Variants in ZDHHC11B observed in about 807,000 individuals in gnomAD.
ZDHHC11B encodes zDHHC palmitoyltransferase 11B (putative), also known as probable palmitoyltransferase ZDHHC11B.
Under a neutral mutation model 42.3 loss-of-function variants are expected in ZDHHC11B, and 17 were observed. That is an observed-to-expected ratio of 0.40 (90% CI 0.27 to 0.60). ZDHHC11B has a LOEUF of 0.60. Among genes scored for constraint, ZDHHC11B ranks in the 20% least tolerant of loss-of-function variants. The pLI is 0.41. For missense variants in ZDHHC11B, 262 were observed against 463.2 expected, an observed-to-expected ratio of 0.57 and a Z score of 3.99; for synonymous variants, 123 against 193.5, an observed-to-expected ratio of 0.64 and a Z score of 3.02.
intron 6 of ZDHHC11B, among the ~76,000 whole-genome samples, chr5:752,083 C>A (rs1290319639): frequency 1.6e-5 from 2 of 124,432 alleles, no homozygotes; most frequent in East Asian, 3.4e-4. Context: ...GGCTGGGTCC[C>A]CTCAGGGGGC....
intron 1 of ZDHHC11B, among the ~76,000 whole-genome samples, chr5:780,716 G>A (rs35022959): frequency 6.9e-4 from 101 of 145,598 alleles, no homozygotes; most frequent in Middle Eastern, 3.6e-3. Flanking sequence ...GTGGGCACTG[G>A]CGAAGGTGGC....
At chr5:747,755 G>A (rs189212806) in intron 8 of ZDHHC11B, 10,061 of 171,420 alleles carry the variant, frequency 0.059, 402 homozygotes, top group African/African-American at 0.2. Flanking sequence ...CCACAGCCTC[G>A]GGGCCACCAC....
At chr5:762,495 C>A in intron 4 of ZDHHC11B, among the ~76,000 whole-genome samples, 1 of 151,778 alleles carries the variant, frequency 6.6e-6, no homozygotes, top group Non-Finnish European at 1.5e-5. Flanking sequence ...TGTGGCCTGA[C>A]CTCCCAAGGG....
intron 12 of ZDHHC11B, among the ~76,000 whole-genome samples, chr5:724,793 C>T (rs1365068716): frequency 6.7e-6 from 1 of 148,856 alleles, no homozygotes; most frequent in Non-Finnish European, 1.5e-5. Context: ...AAAGGCTTTA[C>T]AAAAAAATAA....
chr5:784,304 G>C (rs1031837946), intron 1 of ZDHHC11B, among the ~76,000 whole-genome samples: 3 of 151,852 alleles, frequency 2.0e-5, no homozygotes, highest in Non-Finnish European at 4.4e-5. Context: ...TTCCAGCCCC[G>C]GGCTGGGCAG....
intron 6 of ZDHHC11B, among the ~76,000 whole-genome samples, chr5:751,461 T>G (rs1745702838): frequency 5.0e-5 from 1 of 20,008 alleles, no homozygotes; most frequent in African/African-American, 1.9e-4. Context: ...ACGCAGGGCA[T>G]CTGAGGCAGG....
intron 7 of ZDHHC11B, among the ~76,000 whole-genome samples, chr5:750,418 C>T (rs1745454198): frequency 7.0e-6 from 1 of 143,696 alleles, no homozygotes. Flanking sequence ...TGCCTCCATC[C>T]TCACGAGGCC....
intron 12 of ZDHHC11B, among the ~76,000 whole-genome samples, chr5:729,358 A>T (rs1449100792): frequency 4.0e-5 from 6 of 151,220 alleles, no homozygotes; most frequent in Middle Eastern, 3.4e-3. Context: ...CTAGGCCAGG[A>T]CGGCTGCAGC....
Position 745,411 on chromosome 5 carries a change from G to C in ZDHHC11B, c.785-113C>G, listed in dbSNP as rs1331920367. On this transcript the variant is annotated intron_variant, in intron 8 of 13. Transcript: ENST00000508859. ...GCCACTGATCCGGCCCCTGCACAGG[G>C]AGAACTGCTCCGCCCACCATGCAGG... The C allele has an allele frequency of 5.1e-5, 47 of 917,268 alleles. 4 individuals carry two copies. The East Asian group carries it at 1.1e-3, about 21-fold the overall frequency. 56.8% of individuals were successfully genotyped at this position (917,268 alleles called of 1,614,324 possible). A position where few individuals can be genotyped will look rare whatever the true frequency, so the allele number is the denominator to read the frequency against.
At chr5:777,468 C>T (rs939299622) in intron 1 of ZDHHC11B, among the ~76,000 whole-genome samples, 4 of 93,766 alleles carry the variant, frequency 4.3e-5, no homozygotes, top group African/African-American at 1.6e-4. Flanking sequence ...AAAAGCGGCG[C>T]GCACCCAGAC....
chr5:746,092 A>G (rs1438112719), intron 8 of ZDHHC11B, among the ~76,000 whole-genome samples: 1 of 149,306 alleles, frequency 6.7e-6, no homozygotes, highest in Non-Finnish European at 1.5e-5. Flanking sequence ...TTTATCTAAA[A>G]GAGCCGTCTT....
chr5:729,240 TGTC>T (rs1284168381), intron 12 of ZDHHC11B, among the ~76,000 whole-genome samples: 2 of 151,142 alleles, frequency 1.3e-5, no homozygotes, highest in African/African-American at 2.4e-5. Context: ...CCCTGAATAA[TGTC>T]GGCCGTGTCA....
chr5:778,343 C>G (rs1736713459), intron 1 of ZDHHC11B, among the ~76,000 whole-genome samples: 1 of 151,396 alleles, frequency 6.6e-6, no homozygotes, highest in Non-Finnish European at 1.5e-5. Flanking sequence ...AAGGCACCTT[C>G]TGTGGGGACA....
chr5:756,573 C>T (rs1454445393), intron 4 of ZDHHC11B, among the ~76,000 whole-genome samples: 1 of 151,728 alleles, frequency 6.6e-6, no homozygotes, highest in Non-Finnish European at 1.5e-5. Context: ...GAGGCTCAGT[C>T]AGCCCAGCCA....
intron 1 of ZDHHC11B, among the ~76,000 whole-genome samples, chr5:780,966 G>C (rs1171550694): frequency 6.7e-6 from 1 of 148,622 alleles, no homozygotes; most frequent in Non-Finnish European, 1.5e-5. Context: ...GGAGATGCAG[G>C]TGGCTGTGCA....
intron 11 of ZDHHC11B, among the ~76,000 whole-genome samples, chr5:731,773 C>G (rs115767786): frequency 0.13 from 19,628 of 150,544 alleles, 1,672 homozygotes; most frequent in Non-Finnish European, 0.2. Context: ...TTGCCTAACA[C>G]AAGACTCCGG....
At chr5:741,171 C>T (rs1407809910) in intron 10 of ZDHHC11B, among the ~76,000 whole-genome samples, 1 of 123,014 alleles carries the variant, frequency 8.1e-6, no homozygotes, top group Non-Finnish European at 1.7e-5. Context: ...GTCAAGGCAC[C>T]CCCAGTGCTC....
intron 1 of ZDHHC11B, among the ~76,000 whole-genome samples, 174 bp downstream of exon 1, chr5:784,494 G>A (rs1737107820): frequency 6.6e-6 from 1 of 152,234 alleles, no homozygotes; most frequent in African/African-American, 2.4e-5. Flanking sequence ...GCCGAACTCC[G>A]GGCATCCCAA....
At chr5:766,650 C>T (rs1489239118) in intron 4 of ZDHHC11B, 48 bp downstream of exon 4, 3 of 1,544,306 alleles carry the variant, frequency 1.9e-6, no homozygotes, top group Admixed American at 1.9e-5. Context: ...ATCGCAGGGT[C>T]CTCCAGGAAC....
Sources: allele counts gnomAD v4.1 joint callset (sites outside exome capture counted in the v4.1 genomes callset), GRCh38; gene constraint gnomAD v4.1.1; transcripts MANE v1.5; gene names NCBI Gene and HGNC (gene_info 2026-07-23, HGNC 2026-07-21).